CSGALNACT1: variants seen among roughly 807,000 people sequenced by gnomAD.
CSGALNACT1 encodes the protein chondroitin sulfate N-acetylgalactosaminyltransferase 1.
A neutral mutation model predicts 51.0 loss-of-function variants in CSGALNACT1; 52 were observed. The observed-to-expected ratio is 1.02, with a 90% confidence interval of 0.82 to 1.29. The LOEUF (loss-of-function observed/expected upper bound fraction) is 1.29. Among genes scored for constraint, CSGALNACT1 ranks in the 50% most tolerant of loss-of-function variants. CSGALNACT1 has a pLI of 0.00. For missense variants in CSGALNACT1, 935 were observed against 679.2 expected (o/e 1.38, Z -4.19); for synonymous variants, 341 against 254.4 (o/e 1.34, Z -3.24).
intron 6 of CSGALNACT1, among the ~76,000 whole-genome samples, chr8:19,436,104 A>C (rs1330666949): frequency 6.6e-6 from 1 of 152,238 alleles, no homozygotes; most frequent in African/African-American, 2.4e-5. Context: ...TCAACTGACT[A>C]AGAATAAACT....
chr8:19,597,990 A>C (rs1303604236), intron 2 of CSGALNACT1, among the ~76,000 whole-genome samples: 3 of 152,224 alleles, frequency 2.0e-5, no homozygotes, highest in Non-Finnish European at 4.4e-5. Flanking sequence ...GGCTCAGCAA[A>C]GGCTCCCCCC....
At chr8:19,689,479 G>T (rs552382723) in intron 1 of CSGALNACT1, among the ~76,000 whole-genome samples, 5 of 152,088 alleles carry the variant, frequency 3.3e-5, no homozygotes, top group African/African-American at 1.2e-4. Flanking sequence ...GCCTATTTCC[G>T]AACTCAATAA....
intron 7 of CSGALNACT1, 115 bp downstream of exon 6, chr8:19,420,225 G>A (rs2057692897): frequency 6.1e-6 from 6 of 990,880 alleles, no homozygotes; most frequent in Admixed American, 3.5e-5. Context: ...TGCTATTGAA[G>A]TAAAACAGGC....
chr8:19,747,674 G>A (rs1044861650), intron 1 of CSGALNACT1, among the ~76,000 whole-genome samples: 1 of 152,114 alleles, frequency 6.6e-6, no homozygotes, highest in African/African-American at 2.4e-5. Flanking sequence ...AAATTTCATT[G>A]CTTTGCATTT....
intron 2 of CSGALNACT1, among the ~76,000 whole-genome samples, chr8:19,599,224 T>C (rs1367672550): frequency 1.3e-5 from 2 of 151,956 alleles, no homozygotes; most frequent in Non-Finnish European, 2.9e-5. Context: ...CAGCACATCT[T>C]TTCTTTGATA....
At chr8:19,421,871 G>T (rs1427387672) in intron 6 of CSGALNACT1, among the ~76,000 whole-genome samples, 2 of 152,124 alleles carry the variant, frequency 1.3e-5, no homozygotes, top group Non-Finnish European at 2.9e-5. Flanking sequence ...TTCAGATTTG[G>T]ATCAGGTTAG....
chr8:19,661,485 T>G lies in CSGALNACT1; in HGVS notation c.-544+20988A>C, dbSNP rs76858011. Among the ~76,000 whole-genome samples the G allele has an allele frequency of 3.6e-3, 553 of 152,310 alleles. 5 individuals carry two copies. The highest frequency in any genetic ancestry group is 4.8e-3 in the Non-Finnish European group (329 of 68,028). On this transcript the variant is annotated intron_variant, in intron 1 of 9. Transcript: ENST00000332246. The stretch of plus-strand genomic sequence containing the variant: ...TCTAAGGAATGCACCAAACCCACAG[T>G]GCTTGTATGAGGGTTGGTATTCTGG...
At chr8:19,582,768 T>C (rs566951973) in intron 3 of CSGALNACT1, among the ~76,000 whole-genome samples, 2 of 152,136 alleles carry the variant, frequency 1.3e-5, no homozygotes, top group Non-Finnish European at 2.9e-5. Context: ...GTCCCTGGAC[T>C]AAGGTATCCT....
intron 1 of CSGALNACT1, among the ~76,000 whole-genome samples, chr8:19,715,225 G>GC (rs1564462732): frequency 6.6e-6 from 1 of 152,136 alleles, no homozygotes; most frequent in Non-Finnish European, 1.5e-5. Flanking sequence ...GGGGGAAACT[G>GC]CCCCCATGAT....
rs764500076 is a variant in CSGALNACT1, at chr8:19,496,455, C to T, written c.634+8746G>A. 9.2e-5 allele frequency among the ~76,000 whole-genome samples: 14 copies of T among 152,184 alleles called. No homozygotes were observed. In the East Asian group the frequency reaches 1.2e-3, roughly 13 times the overall value. On this transcript the variant is annotated intron_variant, in intron 4 of 9. Coordinates refer to ENST00000454498, the Ensembl canonical transcript of CSGALNACT1. ...ACTAGGTTGTGAGGTTGTGGGAAGA[C>T]GTTATTCATTTGTAGAGCAGTGTAA...
chr8:19,664,357 A>T (rs954037105), intron 1 of CSGALNACT1, among the ~76,000 whole-genome samples: 7 of 152,186 alleles, frequency 4.6e-5, no homozygotes, highest in Non-Finnish European at 1.0e-4. Flanking sequence ...GAGGAGGTGC[A>T]GAAAAGGCAA....
At chr8:19,753,837 T>C (rs1340749654) in intron 1 of CSGALNACT1, among the ~76,000 whole-genome samples, 1 of 152,226 alleles carries the variant, frequency 6.6e-6, no homozygotes, top group Non-Finnish European at 1.5e-5. Context: ...AAATAGCAAA[T>C]TATTTCTGGC....
chr8:19,412,896 G>A (rs918003502), intron 8 of CSGALNACT1, among the ~76,000 whole-genome samples: 3 of 152,100 alleles, frequency 2.0e-5, no homozygotes, highest in Non-Finnish European at 4.4e-5. Flanking sequence ...TGCACAGGGT[G>A]CCAGGAGGGC....
intron 3 of CSGALNACT1, among the ~76,000 whole-genome samples, chr8:19,525,908 C>T (rs1045480191): frequency 1.3e-5 from 2 of 152,164 alleles, no homozygotes; most frequent in African/African-American, 4.8e-5. Flanking sequence ...CTCCACTGCT[C>T]TGTCCTATAT....
At chr8:19,602,088 C>G (rs1265682443) in exon 1 of CSGALNACT1, 1 of 291,746 alleles carries the variant, frequency 3.4e-6, no homozygotes, top group Non-Finnish European at 6.7e-6. Context: ...ACAGTGATAA[C>G]CATGTCTAAA....
intron 2 of CSGALNACT1, among the ~76,000 whole-genome samples, chr8:19,598,952 C>T (rs1424818504): frequency 6.6e-6 from 1 of 152,142 alleles, no homozygotes; most frequent in African/African-American, 2.4e-5. Flanking sequence ...AGCTAGAGTA[C>T]AGGAACACAC....
intron 1 of CSGALNACT1, among the ~76,000 whole-genome samples, chr8:19,660,988 T>C (rs4922079): frequency 0.82 from 124,024 of 152,102 alleles, 50,737 homozygotes; most frequent in East Asian, 0.97. Flanking sequence ...TCTCAGCTCA[T>C]TGCAACCTCT....
At chr8:19,459,215 A>G (rs577283254) in intron 4 of CSGALNACT1, among the ~76,000 whole-genome samples, 2 of 152,098 alleles carry the variant, frequency 1.3e-5, no homozygotes, top group African/African-American at 4.8e-5. Context: ...GTGAAACCCC[A>G]TCTCTACTAA....
chr8:19,565,859 C>T (rs1283066631), intron 3 of CSGALNACT1, among the ~76,000 whole-genome samples: 8 of 152,128 alleles, frequency 5.3e-5, no homozygotes, highest in Non-Finnish European at 7.4e-5. Flanking sequence ...TGCAGTGAGC[C>T]GAGATCGTGC....
Sources: allele counts gnomAD v4.1 joint callset (sites outside exome capture counted in the v4.1 genomes callset), GRCh38; gene constraint gnomAD v4.1.1; transcripts MANE v1.5; gene names NCBI Gene and HGNC (gene_info 2026-07-23, HGNC 2026-07-21).